The following PSMD14 variants were observed in gnomAD, a reference collection of about 807,000 sequenced individuals.
The protein encoded by PSMD14 is ubiquitin C-terminal hydrolase PSMD14.
In PSMD14, 7 loss-of-function variants were observed where a neutral mutation model predicts 41.2. That is an observed-to-expected ratio of 0.17 (90% CI 0.10 to 0.32). PSMD14 has a LOEUF of 0.32. Ranked by LOEUF, PSMD14 falls within the 10% of genes least tolerant of loss-of-function variation. The pLI, the probability that PSMD14 is intolerant of heterozygous loss-of-function variation, is 1.00. For missense variants in PSMD14, 139 were observed against 375.6 expected (o/e 0.37, Z 5.21); for synonymous variants, 114 against 122.3 (o/e 0.93, Z 0.45).
chr2:161,328,793 A>G (rs866434642), intron 3 of PSMD14, among the ~76,000 whole-genome samples: 4 of 152,262 alleles, frequency 2.6e-5, no homozygotes, highest in Middle Eastern at 3.4e-3. Context: ...AAATTCATGA[A>G]AAAAGGAGGG....
In PSMD14 at chr2:161,340,785, C is replaced by A. The variant is rs1682942026; in HGVS notation, c.48+21912C>A. ...GCTTTTAAGATGCCAAAAGGAAAAG[C>A]CTTTAGGAGGACGCTAAGGATAACT... On this transcript the variant is annotated intron_variant, in intron 3 of 11. Coordinates refer to ENST00000409682, the MANE Select transcript of PSMD14 (RefSeq NM_005805.6). 6 of 1,613,218 alleles carry A rather than the reference C, an allele frequency of 3.7e-6. No individual in the cohort carries two copies. In the Admixed American group the frequency reaches 6.7e-5, roughly 18 times the overall value.
At chr2:161,325,326 ATGAAT>A in intron 3 of PSMD14, among the ~76,000 whole-genome samples, 1 of 152,316 alleles carries the variant, frequency 6.6e-6, no homozygotes. Context: ...AAAAAAATTC[ATGAAT>A]TGAATAGGAT....
Position 161,408,783 on chromosome 2 carries a change from G to C in PSMD14, c.772-54G>C, listed in dbSNP as rs138920239. The C allele has an allele frequency of 2.0e-4, 281 of 1,377,800 alleles. 1 individual carries two copies. In the African/African-American group the frequency reaches 3.6e-3, roughly 17 times the overall value. The allele number at this position is 1,377,800 out of a possible 1,614,324, so 85.3% of individuals were successfully genotyped here. A position where few individuals can be genotyped will look rare whatever the true frequency, so the allele number is the denominator to read the frequency against. ...CATTATTTTTGGTGATTATCCTGCA[G>C]TGGGAATAGAGGATTTATAATTTTA... On this transcript the variant is annotated intron_variant, in intron 10 of 11. Coordinates refer to ENST00000409682, the MANE Select transcript of PSMD14 (RefSeq NM_005805.6).
At chr2:161,405,917 G>A (rs558798720) in intron 10 of PSMD14, among the ~76,000 whole-genome samples, 1 of 152,078 alleles carries the variant, frequency 6.6e-6, no homozygotes, top group African/African-American at 2.4e-5. Flanking sequence ...GATACAGGGT[G>A]GCAAAAGCAA....
At position 161,395,218 on chromosome 2, in the gene PSMD14, T is replaced by C; in HGVS notation, c.771+15T>C. The stretch of plus-strand genomic sequence containing the variant: ...ATTACAATAAGGTAAAAGTTACTTC[T>C]GCCATTTCTTCTTTATAATCTTTGG... On this transcript the variant is annotated intron_variant, in intron 10 of 11. Coordinates refer to ENST00000409682, the MANE Select transcript of PSMD14 (RefSeq NM_005805.6). 1.3e-6 allele frequency: 2 copies of C among 1,556,926 alleles called. No individual in the cohort carries two copies. Among genetic ancestry groups the C allele is most frequent in the Non-Finnish European group, 1.7e-6 (2 of 1,146,942 alleles).
At chr2:161,385,715 C>T (rs10193429) in intron 8 of PSMD14, 144 bp downstream of exon 8, 504,439 of 557,394 alleles carry the variant, frequency 0.9, 228,677 homozygotes, top group East Asian at 1. Context: ...TGTGGAAATA[C>T]TGTTGTAAAA....
At chr2:161,409,393 T>TG (rs1239625264) in intron 11 of PSMD14, among the ~76,000 whole-genome samples, 1 of 152,052 alleles carries the variant, frequency 6.6e-6, no homozygotes, top group Non-Finnish European at 1.5e-5. Flanking sequence ...TATCTGAGGG[T>TG]GGGGGAAGAC....
intron 10 of PSMD14, among the ~76,000 whole-genome samples, chr2:161,403,460 T>C (rs1206441693): frequency 1.3e-5 from 2 of 152,200 alleles, no homozygotes; most frequent in African/African-American, 4.8e-5. Context: ...CGTTTTGGAA[T>C]ACAGGTGATT....
At chr2:161,344,031 A>C (rs1388104434) in intron 3 of PSMD14, among the ~76,000 whole-genome samples, 1 of 151,616 alleles carries the variant, frequency 6.6e-6, no homozygotes, top group Non-Finnish European at 1.5e-5. Context: ...TATTATAAGT[A>C]ATCTAGAGAT....
intron 7 of PSMD14, among the ~76,000 whole-genome samples, chr2:161,380,882 G>T (rs966449959): frequency 6.6e-6 from 1 of 151,916 alleles, no homozygotes; most frequent in African/African-American, 2.4e-5. Context: ...ACAAACCCCA[G>T]CAGTACTTCC....
intron 9 of PSMD14, among the ~76,000 whole-genome samples, chr2:161,394,189 C>T (rs1292472051): frequency 6.6e-6 from 1 of 151,960 alleles, no homozygotes; most frequent in African/African-American, 2.4e-5. Context: ...CCAGGCTGGT[C>T]TCGAATTCCT....
Position 161,372,936 on chromosome 2 carries a change from C to G in PSMD14, c.462+1614C>G, listed in dbSNP as rs568118676. 8.6e-5 allele frequency among the ~76,000 whole-genome samples: 13 copies of G among 151,842 alleles called. No homozygotes were observed. In the South Asian group the frequency reaches 2.7e-3, roughly 32 times the overall value. ...ACTTAGGTTTTATGATATCTTGACT[C>G]ATGTGATGGTGGCTACTTTGAAAAA... On this transcript the variant is annotated intron_variant, in intron 7 of 11. Coordinates refer to ENST00000409682, the MANE Select transcript of PSMD14 (RefSeq NM_005805.6).
At chr2:161,378,614 A>G (rs565479447) in intron 7 of PSMD14, among the ~76,000 whole-genome samples, 1 of 152,128 alleles carries the variant, frequency 6.6e-6, no homozygotes, top group East Asian at 1.9e-4. Context: ...GCTGTTGAGT[A>G]TAACTGAACC....
intron 3 of PSMD14, among the ~76,000 whole-genome samples, chr2:161,338,860 A>G (rs1040121143): frequency 1.3e-5 from 2 of 152,094 alleles, no homozygotes; most frequent in Admixed American, 6.5e-5. Flanking sequence ...GTCACTATAC[A>G]TTAGTTTGCA....
intron 1 of PSMD14, among the ~76,000 whole-genome samples, chr2:161,311,968 A>C (rs1689093103): frequency 6.6e-6 from 1 of 152,026 alleles, no homozygotes; most frequent in Non-Finnish European, 1.5e-5. Context: ...TCCTATTTAT[A>C]TAATTAAATT....
chr2:161,401,797 C>A (rs1574143151), intron 10 of PSMD14, among the ~76,000 whole-genome samples: 1 of 114,938 alleles, frequency 8.7e-6, no homozygotes. Context: ...TATTATTATT[C>A]AGGTTGTATC....
intron 3 of PSMD14, among the ~76,000 whole-genome samples, chr2:161,333,876 C>T (rs1303769383): frequency 6.6e-6 from 1 of 151,764 alleles, no homozygotes; most frequent in Non-Finnish European, 1.5e-5. Flanking sequence ...ACTAAAAATA[C>T]AAAAATTAGC....
chr2:161,401,893 T>C (rs916964076), intron 10 of PSMD14, among the ~76,000 whole-genome samples: 35 of 152,176 alleles, frequency 2.3e-4, no homozygotes, highest in African/African-American at 8.0e-4. Context: ...AGCCCCAGTG[T>C]CATTGCTTAT....
intron 3 of PSMD14, among the ~76,000 whole-genome samples, chr2:161,320,685 A>T (rs1052631972): frequency 4.0e-5 from 6 of 151,844 alleles, no homozygotes; most frequent in Non-Finnish European, 5.9e-5. Context: ...CGTTAAGTGT[A>T]TTTTTTTGCC....
Sources: gnomAD v4.1 joint callset for allele counts (sites outside exome capture counted in the v4.1 genomes callset) on GRCh38, gnomAD v4.1.1 for gene constraint, MANE v1.5 for transcripts, NCBI Gene and HGNC (gene_info 2026-07-23, HGNC 2026-07-21) for gene names.